WNT2B: variants seen among roughly 807,000 people sequenced by gnomAD.
WNT2B encodes the protein Wnt family member 2B, also known as protein Wnt-2b.
Under a neutral mutation model 40.5 loss-of-function variants are expected in WNT2B, and 19 were observed. The observed-to-expected ratio is 0.47, with a 90% CI of 0.33 to 0.69. WNT2B has a LOEUF of 0.69. Ranked by LOEUF, WNT2B falls within the 30% of genes least tolerant of loss-of-function variation. WNT2B has a pLI of 0.02. For synonymous variants in WNT2B, 220 were observed against 211.9 expected, an observed-to-expected ratio of 1.04 and a Z score of -0.33; for missense variants, 467 against 556.4, an observed-to-expected ratio of 0.84 and a Z score of 1.62.
intron 1 of WNT2B, among the ~76,000 whole-genome samples, chr1:112,496,036 G>A (rs960203904): frequency 3.9e-5 from 6 of 152,130 alleles, no homozygotes; most frequent in Non-Finnish European, 7.3e-5. Context: ...ATTACTTCCC[G>A]AAGACCCCAC....
At chr1:112,481,702 C>A (rs527982996) in intron 1 of WNT2B, among the ~76,000 whole-genome samples, 1 of 152,178 alleles carries the variant, frequency 6.6e-6, no homozygotes, top group African/African-American at 2.4e-5. Context: ...TTGCAGGGTA[C>A]AAAAATCAAC....
At chr1:112,499,826 T>C (rs1651891149) in intron 1 of WNT2B, among the ~76,000 whole-genome samples, 1 of 152,236 alleles carries the variant, frequency 6.6e-6, no homozygotes, top group South Asian at 2.1e-4. Flanking sequence ...AATCATATAT[T>C]GTTCACTATT....
At chr1:112,475,512 T>C (rs966453817) in intron 1 of WNT2B, among the ~76,000 whole-genome samples, 2 of 152,228 alleles carry the variant, frequency 1.3e-5, no homozygotes, top group Non-Finnish European at 2.9e-5. Flanking sequence ...TGTGGGCTTT[T>C]TCACATATGT....
At chr1:112,496,401 C>T (rs1353017745) in intron 1 of WNT2B, among the ~76,000 whole-genome samples, 1 of 152,114 alleles carries the variant, frequency 6.6e-6, no homozygotes, top group South Asian at 2.1e-4. Context: ...CCCAACAGCC[C>T]CCAAAGTCTT....
rs1276054392 is a variant in WNT2B, at chr1:112,520,765, T to C, written c.*256T>C. The stretch of plus-strand genomic sequence containing the variant: ...AGATTTGAAGGGAGAGTAGAAGAGA[T>C]AGGGGGTCTTTAGAGTGAAATGAGT... On this transcript the variant is annotated 3_prime_UTR_variant, in exon 5 of 5. Transcript: ENST00000369684. 2 of 540,070 alleles carry C rather than the reference T, an allele frequency of 3.7e-6. No individual in the cohort carries two copies. Among genetic ancestry groups the C allele is most frequent in the Admixed American group, 3.2e-5 (1 of 31,442 alleles). The allele number at this position is 540,070 out of a possible 1,614,324, so 33.5% of individuals were successfully genotyped here. A position where few individuals can be genotyped will look rare whatever the true frequency, so the allele number is the denominator to read the frequency against.
intron 1 of WNT2B, among the ~76,000 whole-genome samples, chr1:112,497,913 CTCTT>C (rs965687351): frequency 6.6e-6 from 1 of 150,748 alleles, no homozygotes; most frequent in Admixed American, 6.6e-5. Flanking sequence ...TAGTTCATCA[CTCTT>C]TTTTTTTTTT....
intron 1 of WNT2B, among the ~76,000 whole-genome samples, chr1:112,470,879 G>A (rs1469286590): frequency 7.6e-6 from 1 of 130,888 alleles, no homozygotes; most frequent in Admixed American, 7.8e-5. Flanking sequence ...CTGGGGGCAA[G>A]GTCGCTCTCA....
chr1:112,518,395 T>C (rs1200204214), intron 4 of WNT2B: 1 of 152,200 alleles, frequency 6.6e-6, no homozygotes, highest in Non-Finnish European at 1.5e-5. Context: ...GTACTGTTTG[T>C]TTTCACCCAT....
At chr1:112,470,564 G>T (rs898853728) in intron 1 of WNT2B, among the ~76,000 whole-genome samples, 2 of 152,120 alleles carry the variant, frequency 1.3e-5, no homozygotes, top group African/African-American at 4.8e-5. Flanking sequence ...CTCCAGCCTG[G>T]GTGGCAGAGT....
At chr1:112,501,155 C>T (rs1217939647) in intron 1 of WNT2B, among the ~76,000 whole-genome samples, 1 of 152,148 alleles carries the variant, frequency 6.6e-6, no homozygotes, top group Non-Finnish European at 1.5e-5. Flanking sequence ...AGAATGTCCC[C>T]CTGGTGGAAT....
At chr1:112,508,842 C>G (rs957694899), upstream of WNT2B, 15 of 999,500 alleles carry the variant, frequency 1.5e-5, no homozygotes, top group African/African-American at 2.6e-4. This position sits in a 1 kb window ranked among gnomAD's most constrained non-coding sequence, Gnocchi z 4.2. Flanking sequence ...GCTGCTACAC[C>G]TAGGGCGTCG....
At chr1:112,484,579 C>A (rs1472855544) in intron 1 of WNT2B, among the ~76,000 whole-genome samples, 1 of 151,160 alleles carries the variant, frequency 6.6e-6, no homozygotes, top group Non-Finnish European at 1.5e-5. Context: ...GCCTGGCCCC[C>A]AAAATTTTTT....
chr1:112,516,461 G>A (rs769123505), intron 3 of WNT2B, 44 bp downstream of exon 3: 10 of 1,573,696 alleles, frequency 6.4e-6, no homozygotes, highest in South Asian at 3.6e-5. Flanking sequence ...TTTGCTGGGG[G>A]TGACCAGTGT....
At chr1:112,486,068 A>G (rs1351230598) in intron 1 of WNT2B, among the ~76,000 whole-genome samples, 2 of 151,620 alleles carry the variant, frequency 1.3e-5, no homozygotes, top group Non-Finnish European at 2.9e-5. Context: ...CAGCTACTGG[A>G]AGGCTGGGAG....
intron 1 of WNT2B, among the ~76,000 whole-genome samples, chr1:112,496,847 G>T (rs751501062): frequency 2.6e-5 from 4 of 152,090 alleles, no homozygotes; most frequent in Admixed American, 6.6e-5. Flanking sequence ...TGATCTGCCC[G>T]CCTCAGCCTC....
rs1570806280 is a variant in WNT2B at position 112,521,607 on chromosome 1, C to T, written c.*1098C>T. On this transcript the variant is annotated 3_prime_UTR_variant, in exon 5 of 5. Coordinates refer to ENST00000369684, the MANE Select transcript of WNT2B (RefSeq NM_024494.3). ...TGCAGGTTGGGGCCAAAGTGATACA[C>T]AGCTTAGAAGGCAGCCTTCCTCCAC... is the stretch of plus-strand genomic sequence containing the variant. The T allele has an allele frequency of 2.6e-5, 4 of 152,426 alleles. No homozygotes were observed. In the East Asian group the frequency reaches 7.7e-4, roughly 29 times the overall value. 9.4% of individuals were successfully genotyped at this position (152,426 alleles called of 1,614,324 possible). A position where few individuals can be genotyped will look rare whatever the true frequency, so the allele number is the denominator to read the frequency against.
intron 1 of WNT2B, among the ~76,000 whole-genome samples, chr1:112,469,971 A>G (rs563836466): frequency 3.9e-5 from 6 of 152,302 alleles, no homozygotes; most frequent in African/African-American, 1.4e-4. Flanking sequence ...ATTTCTGAGT[A>G]GCTCATCTTT....
At chr1:112,489,941 T>TA (rs1651546070) in intron 1 of WNT2B, among the ~76,000 whole-genome samples, 1 of 152,206 alleles carries the variant, frequency 6.6e-6, no homozygotes, top group African/African-American at 2.4e-5. Context: ...ATTTTTTTCT[T>TA]ACTGCTGCAA....
chr1:112,469,768 C>T (rs1650817045), intron 1 of WNT2B, among the ~76,000 whole-genome samples: 1 of 152,090 alleles, frequency 6.6e-6, no homozygotes, highest in African/African-American at 2.4e-5. Context: ...CACATGCCAC[C>T]ATGCCTGGCT....
Sources: gnomAD v4.1 joint callset for allele counts (sites outside exome capture counted in the v4.1 genomes callset) on GRCh38, gnomAD v4.1.1 for gene constraint, Gnocchi (gnomAD v3.1) non-coding constraint, MANE v1.5 for transcripts, NCBI Gene and HGNC (gene_info 2026-07-23, HGNC 2026-07-21) for gene names.